Variants in PKHD1L1 observed in about 807,000 individuals in gnomAD.
The protein encoded by PKHD1L1 is fibrocystin-L.
A neutral mutation model predicts 462.9 loss-of-function variants in PKHD1L1; 434 were observed. The observed-to-expected ratio is 0.94, with a 90% CI of 0.87 to 1.02. The LOEUF (loss-of-function observed/expected upper bound fraction) is 1.02, where lower values mean the gene tolerates loss of function less well. Among genes scored for constraint, PKHD1L1 ranks in the 50% least tolerant of loss-of-function variants. PKHD1L1 has a pLI of 0.00. For synonymous variants in PKHD1L1, 1,781 were observed against 1,750.0 expected (o/e 1.02, Z -0.44); for missense variants, 5,202 against 5,096.1 (o/e 1.02, Z -0.63).
At chr8:109,389,406 C>T (rs1397512995) in intron 8 of PKHD1L1, among the ~76,000 whole-genome samples, 3 of 151,870 alleles carry the variant, frequency 2.0e-5, no homozygotes, top group Non-Finnish European at 4.4e-5. Flanking sequence ...CTACAGCATT[C>T]CGTGTCTAAT....
intron 45 of PKHD1L1, 135 bp from the exon 46 acceptor site, chr8:109,456,127 G>T: frequency 1.2e-6 from 1 of 861,594 alleles, no homozygotes; most frequent in Non-Finnish European, 1.7e-6. Context: ...TCTTTTTGGA[G>T]AAATGTGTGA....
intron 4 of PKHD1L1, among the ~76,000 whole-genome samples, chr8:109,383,719 C>A (rs1438456110): frequency 6.6e-6 from 1 of 151,648 alleles, no homozygotes; most frequent in Non-Finnish European, 1.5e-5. Context: ...GTATGTCACA[C>A]CTAAATGGTC....
chr8:109,518,338 C>T lies in PKHD1L1; in HGVS notation c.11861C>T (p.Thr3954Ile), dbSNP rs768048706. 4.3e-6 allele frequency: 7 copies of T among 1,613,322 alleles called. No individual in the cohort carries two copies. In the African/African-American group the frequency reaches 6.7e-5, roughly 15 times the overall value. The change falls in exon 73 of 78, where the codon ACC (threonine) becomes ATC (isoleucine). Residue 3954 changes from threonine (T) to isoleucine (I), a missense_variant. By Grantham distance (89) the Thr-to-Ile change is moderately conservative. This residue lies in a region of PKHD1L1 where 698 missense variants were observed against 736.3 expected (regional missense o/e 0.95). Coordinates refer to ENST00000378402, the MANE Select transcript of PKHD1L1 (RefSeq NM_177531.6). The part of the protein sequence containing the change: ...LSVATEDDFY[T>I]SHNLVKNLAL... Reference sequence around the variant, plus strand: ...GTTGCAACAGAAGATGACTTTTATACCTCTCACAATCTGGTTAAAAATCTT... The same window carrying T: ...GTTGCAACAGAAGATGACTTTTATATCTCTCACAATCTGGTTAAAAATCTT...
chr8:109,390,400 G>A (rs1006728977), intron 8 of PKHD1L1, 52 bp from the exon 9 acceptor site: 25 of 1,072,062 alleles, frequency 2.3e-5, no homozygotes, highest in Non-Finnish European at 3.0e-5. Context: ...TAGAGTTATT[G>A]TTCTTCTGTG....
chr8:109,502,636 G>A (rs537937470), intron 67 of PKHD1L1, among the ~76,000 whole-genome samples: 38 of 152,310 alleles, frequency 2.5e-4, no homozygotes, highest in African/African-American at 8.9e-4. Context: ...GATTTGCTTT[G>A]AATGTGTGAA....
chr8:109,474,169 T>C (rs1186997630), intron 50 of PKHD1L1, among the ~76,000 whole-genome samples: 1 of 152,200 alleles, frequency 6.6e-6, no homozygotes, highest in Non-Finnish European at 1.5e-5. Context: ...GAATTTTTTC[T>C]CTCATGGCTT....
chr8:109,408,385 T>C (rs1209035522), intron 18 of PKHD1L1, among the ~76,000 whole-genome samples, 179 bp downstream of exon 18: 1 of 152,150 alleles, frequency 6.6e-6, no homozygotes, highest in African/African-American at 2.4e-5. Context: ...GAAAGGAGAC[T>C]AAGAGTCAAC....
rs745791257 is a variant in PKHD1L1 at position 109,444,701 on chromosome 8, G to A, written c.4832G>A (p.Ser1611Asn). 6.2e-6 allele frequency: 10 copies of A among 1,613,736 alleles called. No individual in the cohort carries two copies. The East Asian group carries it at 2.0e-4, about 32-fold the overall frequency. The change falls in exon 38 of 78, where the codon AGT becomes AAT. Residue 1611 changes from serine to asparagine, a missense_variant. Ser to Asn is a conservative substitution (Grantham distance 46). Coordinates refer to ENST00000378402, the MANE Select transcript of PKHD1L1 (RefSeq NM_177531.6). ...TACCCCTGTGTCGTAGAAGAAAGTAGTGAGGATTCAATTACATGTCATATT... is the reference window on the plus strand; with the variant it reads ...TACCCCTGTGTCGTAGAAGAAAGTAATGAGGATTCAATTACATGTCATATT... ...GSYPCVVEES[S>N]EDSITCHIDP...
intron 28 of PKHD1L1, 105 bp from the exon 29 acceptor site, chr8:109,435,085 T>G: frequency 2.4e-4 from 280 of 1,173,000 alleles, no homozygotes; most frequent in Non-Finnish European, 3.0e-4. Flanking sequence ...ATATACTTCG[T>G]GAGATCTAAA....
intron 38 of PKHD1L1, among the ~76,000 whole-genome samples, 171 bp downstream of exon 38, chr8:109,445,816 T>G (rs1179169468): frequency 6.6e-6 from 1 of 152,130 alleles, no homozygotes; most frequent in African/African-American, 2.4e-5. Flanking sequence ...ATGATTATTT[T>G]TCACACATTT....
intron 45 of PKHD1L1, 120 bp downstream of exon 45, chr8:109,454,972 C>A: frequency 7.7e-7 from 1 of 1,294,974 alleles, no homozygotes; most frequent in Non-Finnish European, 1.0e-6. Context: ...TTAGGCTTCT[C>A]ATGTCTTTAG....
At chr8:109,497,755 T>A (rs1819189273) in intron 65 of PKHD1L1, among the ~76,000 whole-genome samples, 1 of 151,722 alleles carries the variant, frequency 6.6e-6, no homozygotes. Context: ...TCTCTCCTCC[T>A]CCCTTCCCTC....
rs557807298 is a variant in PKHD1L1, at chr8:109,376,440, G to T, written c.164-4930G>T. ...AGGAAAGGGAATTCCCTGACCTCTTGTGCTTCCCGGGTGAGGTGATGCCTC... is the reference window on the plus strand; with the variant it reads ...AGGAAAGGGAATTCCCTGACCTCTTTTGCTTCCCGGGTGAGGTGATGCCTC... On this transcript the variant is annotated intron_variant, in intron 2 of 77. Coordinates refer to ENST00000378402, the MANE Select transcript of PKHD1L1 (RefSeq NM_177531.6). 8.5e-5 allele frequency among the ~76,000 whole-genome samples: 13 copies of T among 152,298 alleles called. No individual in the cohort carries two copies. In the East Asian group the frequency reaches 2.3e-3, roughly 27 times the overall value.
intron 72 of PKHD1L1, among the ~76,000 whole-genome samples, chr8:109,516,604 C>A (rs1774767416): frequency 6.6e-6 from 1 of 152,106 alleles, no homozygotes; most frequent in Non-Finnish European, 1.5e-5. Context: ...TGGTGCACAG[C>A]AAGAACTCAA....
intron 10 of PKHD1L1, among the ~76,000 whole-genome samples, chr8:109,395,352 G>A (rs1042951610): frequency 8.6e-5 from 13 of 151,996 alleles, no homozygotes; most frequent in Admixed American, 4.6e-4. Context: ...CGTCATTCCC[G>A]GTCAGGAATA....
intron 33 of PKHD1L1, 99 bp from the exon 34 acceptor site, chr8:109,441,176 C>A: frequency 1.2e-6 from 1 of 811,062 alleles, no homozygotes; most frequent in Non-Finnish European, 1.9e-6. Flanking sequence ...TTTTTAGGGT[C>A]TTGGCTGTTG....
chr8:109,423,276 TA>T (rs892639018), intron 23 of PKHD1L1, among the ~76,000 whole-genome samples: 2 of 152,178 alleles, frequency 1.3e-5, no homozygotes, highest in African/African-American at 4.8e-5. Context: ...ATTTTATATT[TA>T]AGGGCATGAT....
chr8:109,435,042 C>A (rs1815325506), intron 28 of PKHD1L1, 148 bp from the exon 29 acceptor site: 1 of 746,186 alleles, frequency 1.3e-6, no homozygotes, highest in East Asian at 2.7e-5. Flanking sequence ...CTAAGATTCC[C>A]CCACACATTA....
intron 30 of PKHD1L1, among the ~76,000 whole-genome samples, chr8:109,437,417 T>C (rs148824778): frequency 0.017 from 2,651 of 152,016 alleles, 35 homozygotes; most frequent in Non-Finnish European, 0.029. Context: ...TATGTATACA[T>C]GTGCCATGTT....
Sources: allele counts gnomAD v4.1 joint callset (sites outside exome capture counted in the v4.1 genomes callset), GRCh38; gene constraint gnomAD v4.1.1; regional missense constraint gnomAD v4.1.1; transcripts MANE v1.5; gene names NCBI Gene and HGNC (gene_info 2026-07-23, HGNC 2026-07-21).